Variants in EVA1C observed in about 807,000 individuals in gnomAD.
The protein encoded by EVA1C is protein eva-1 homolog C.
A neutral mutation model predicts 45.4 loss-of-function variants in EVA1C; 25 were observed. That is an observed-to-expected ratio of 0.55 (90% CI 0.40 to 0.77). EVA1C has a LOEUF of 0.77. Among genes scored for constraint, EVA1C ranks in the 30% least tolerant of loss-of-function variants. EVA1C has a pLI of 0.00. For synonymous variants in EVA1C, 190 were observed against 221.2 expected (o/e 0.86, Z 1.25); for missense variants, 479 against 554.8 (o/e 0.86, Z 1.37).
At position 32,507,833 on chromosome 21, in the gene EVA1C, G is replaced by C. The variant is rs1263329889; in HGVS notation, c.949+3818G>C. ...GCATGTATGTATGTGTGTTGCATGT[G>C]TGTGCATGTGTCTGTATGCTTGTGC... On this transcript the variant is annotated intron_variant, in intron 7 of 7. Transcript: ENST00000300255. Among the ~76,000 whole-genome samples, 3 of 151,482 alleles carry C rather than the reference G, an allele frequency of 2.0e-5. No individual in the cohort carries two copies. The East Asian group carries it at 5.8e-4, about 29-fold the overall frequency.
At chr21:32,475,644 C>T (rs895952043) in intron 4 of EVA1C, among the ~76,000 whole-genome samples, 1 of 151,980 alleles carries the variant, frequency 6.6e-6, no homozygotes, top group Non-Finnish European at 1.5e-5. Context: ...TTCCTAATAT[C>T]TTGTTAAAAA....
At chr21:32,426,782 ACCCCTT>A (rs953560930) in intron 1 of EVA1C, among the ~76,000 whole-genome samples, 11 of 151,770 alleles carry the variant, frequency 7.2e-5, no homozygotes, top group Non-Finnish European at 1.3e-4. Flanking sequence ...TCCCTCCATC[ACCCCTT>A]CAGACAAGTC....
At chr21:32,470,208 A>G (rs1385654328) in intron 4 of EVA1C, among the ~76,000 whole-genome samples, 2 of 152,240 alleles carry the variant, frequency 1.3e-5, no homozygotes, top group African/African-American at 4.8e-5. Flanking sequence ...TGGACCTGAA[A>G]AAAAGAAAAT....
rs909484171 is a variant in EVA1C, at chr21:32,434,499, G to T, written c.161-18813G>T. Among the ~76,000 whole-genome samples the T allele has an allele frequency of 3.3e-5, 5 of 151,906 alleles. No homozygotes were observed. In the East Asian group the frequency reaches 7.7e-4, roughly 24 times the overall value. On this transcript the variant is annotated intron_variant, in intron 1 of 7. Coordinates refer to ENST00000300255, the MANE Select transcript of EVA1C (RefSeq NM_058187.5). The stretch of plus-strand genomic sequence containing the variant: ...CCAGCTACTCGGGAGGCTGAGGCAG[G>T]AGAATGGCATGAACCCGGGAGGAGG...
chr21:32,491,336 C>T (rs1327208513), intron 4 of EVA1C, among the ~76,000 whole-genome samples: 2 of 151,786 alleles, frequency 1.3e-5, no homozygotes, highest in African/African-American at 4.8e-5. Flanking sequence ...TCTGAGGAGT[C>T]GGACTTGGTC....
At chr21:32,454,964 G>T (rs1054839901) in intron 2 of EVA1C, among the ~76,000 whole-genome samples, 1 of 152,160 alleles carries the variant, frequency 6.6e-6, no homozygotes, top group Non-Finnish European at 1.5e-5. Flanking sequence ...TATACCTTGA[G>T]GAGAGACAAC....
intron 5 of EVA1C, chr21:32,497,040 T>G: frequency 7.7e-7 from 1 of 1,292,746 alleles, no homozygotes; most frequent in East Asian, 2.3e-5. Context: ...TTGACAGCTA[T>G]GGATGAGCCA....
chr21:32,446,444 A>T (rs1219785285), intron 1 of EVA1C, among the ~76,000 whole-genome samples: 1 of 152,214 alleles, frequency 6.6e-6, no homozygotes, highest in Non-Finnish European at 1.5e-5. Context: ...AGCAGTTTTG[A>T]CTGATCCAAC....
chr21:32,417,807 T>C (rs999583516), intron 1 of EVA1C, among the ~76,000 whole-genome samples: 1 of 152,188 alleles, frequency 6.6e-6, no homozygotes, highest in Non-Finnish European at 1.5e-5. Context: ...TAAAATCTCC[T>C]GGGGAGACTA....
In EVA1C at chr21:32,412,876, G is replaced by A. The variant is rs1362686030; in HGVS notation, c.23G>A (p.Arg8His). The A allele has an allele frequency of 1.3e-6, 2 of 1,499,128 alleles. No individual in the cohort carries two copies. The highest frequency in any genetic ancestry group is 2.8e-5 in the East Asian group (1 of 35,768). 92.9% of individuals were successfully genotyped at this position (1,499,128 alleles called of 1,614,324 possible). ...ACGATGCTTCTGCCGGGACGCGCAC[G>A]CCAACCGCCGACGCCCCAGCCCGTG... MLLPGRA[R>H]QPPTPQPVQH... The change falls in exon 1 of 8, where the codon CGC becomes CAC. Residue 8 changes from arginine to histidine, a missense_variant. Physicochemically the swap from Arg to His is conservative, Grantham distance 29. This residue lies in a region of EVA1C where 80 missense variants were observed against 63.8 expected (regional missense o/e 1.25). Coordinates refer to ENST00000300255, the MANE Select transcript of EVA1C (RefSeq NM_058187.5).
intron 1 of EVA1C, among the ~76,000 whole-genome samples, chr21:32,432,301 G>T (rs12106296): frequency 6.6e-6 from 1 of 150,832 alleles, no homozygotes; most frequent in African/African-American, 2.4e-5. Context: ...TGCAGAAGCC[G>T]TCATCAGCCA....
At chr21:32,484,567 G>A (rs2146364796) in intron 4 of EVA1C, among the ~76,000 whole-genome samples, 1 of 152,104 alleles carries the variant, frequency 6.6e-6, no homozygotes, top group East Asian at 1.9e-4. Context: ...AAATTTATTG[G>A]GGCGGACACT....
chr21:32,417,654 GTA>G (rs2034103154), intron 1 of EVA1C, among the ~76,000 whole-genome samples: 1 of 152,150 alleles, frequency 6.6e-6, no homozygotes, highest in Non-Finnish European at 1.5e-5. Context: ...GAATTCCAGG[GTA>G]TAGAAATATG....
chr21:32,434,310 G>A (rs147617039), intron 1 of EVA1C, among the ~76,000 whole-genome samples: 1,662 of 125,692 alleles, frequency 0.013, 27 homozygotes, highest in African/African-American at 0.045. Flanking sequence ...TAAATAAATA[G>A]GCCGGGCGTG....
intron 4 of EVA1C, among the ~76,000 whole-genome samples, chr21:32,492,147 G>C (rs1023809203): frequency 5.3e-5 from 8 of 152,178 alleles, no homozygotes; most frequent in African/African-American, 1.9e-4. Flanking sequence ...AGGGCACCAG[G>C]ATAGAGGAAT....
intron 7 of EVA1C, 31 bp from the exon 8 acceptor site, chr21:32,514,783 C>A: frequency 6.6e-7 from 1 of 1,507,706 alleles, no homozygotes; most frequent in South Asian, 1.4e-5. Context: ...CAGCTCCTCC[C>A]AGCTCCTGAC....
intron 4 of EVA1C, among the ~76,000 whole-genome samples, chr21:32,470,646 A>G (rs1461346791): frequency 6.6e-6 from 1 of 151,996 alleles, no homozygotes; most frequent in Non-Finnish European, 1.5e-5. Context: ...TCTCCCTGCT[A>G]CTGCCTTAGG....
chr21:32,468,212 T>C (rs1392994975), intron 4 of EVA1C, among the ~76,000 whole-genome samples: 1 of 151,682 alleles, frequency 6.6e-6, no homozygotes, highest in Non-Finnish European at 1.5e-5. Context: ...CTACTAAAGC[T>C]ACAAAAATTA....
intron 4 of EVA1C, among the ~76,000 whole-genome samples, chr21:32,469,220 G>T (rs1056287423): frequency 6.6e-6 from 1 of 152,174 alleles, no homozygotes; most frequent in Non-Finnish European, 1.5e-5. Flanking sequence ...GATAATGAAT[G>T]GGTGCATATG....
Sources: allele counts gnomAD v4.1 joint callset (sites outside exome capture counted in the v4.1 genomes callset), GRCh38; gene constraint gnomAD v4.1.1; regional missense constraint gnomAD v4.1.1; transcripts MANE v1.5; gene names NCBI Gene and HGNC (gene_info 2026-07-23, HGNC 2026-07-21).